STOML2: variants seen among roughly 807,000 people sequenced by gnomAD.
The protein encoded by STOML2 is stomatin like 2, also known as stomatin-like protein 2, mitochondrial.
STOML2 carries 22 observed loss-of-function variants against 45.7 expected under a neutral mutation model. The observed-to-expected ratio is 0.48, with a 90% CI of 0.34 to 0.69. The LOEUF is 0.69. Ranked by LOEUF, STOML2 falls within the 30% of genes least tolerant of loss-of-function variation. The probability of loss-of-function intolerance (pLI) is 0.01; values close to 1 mark genes in which losing one functional copy is unlikely to be tolerated. For synonymous variants in STOML2, 181 were observed against 182.7 expected (o/e 0.99, Z 0.08); for missense variants, 359 against 466.9 (o/e 0.77, Z 2.13).
rs1245944656 is a variant in STOML2 at position 35,103,073 on chromosome 9, C to G, written c.22G>C (p.Gly8Arg). Residue 8 changes from glycine to arginine, a missense_variant, in exon 1 of 10, where the codon GGC becomes CGC. Transcript: ENST00000356493. ...ACCCTCAGCAAAAGGGCCCCAGTGC[C>G]CCGCGCCGCGCGCGCCAGCATTTCC... MLARAAR[G>R]TGALLLRGSL... is the part of the protein sequence containing the mutation. 1 of 1,614,026 alleles carries G rather than the reference C, an allele frequency of 6.2e-7. No individual in the cohort carries two copies. The highest frequency in any genetic ancestry group is 8.5e-7 in the Non-Finnish European group (1 of 1,179,992).
In STOML2 at chr9:35,101,824, C is replaced by G; in HGVS notation, c.343-13G>C. 1 of 1,614,002 alleles carries G rather than the reference C, an allele frequency of 6.2e-7. No individual in the cohort carries two copies. Among genetic ancestry groups the G allele is most frequent in the Non-Finnish European group, 8.5e-7 (1 of 1,180,004 alleles). On this transcript the variant is annotated splice_polypyrimidine_tract_variant and intron_variant, in intron 4 of 9. Transcript: ENST00000356493. The surrounding 1 kb of genome is among the most constrained non-coding windows in gnomAD (Gnocchi z 4.3). ...CACCGTAGCTTGCCTGAGATGGACACGGATAGTGTAAGAAGCTTGGGCACA... is the reference window on the plus strand; with the variant it reads ...CACCGTAGCTTGCCTGAGATGGACAGGGATAGTGTAAGAAGCTTGGGCACA...
rs756945705 is a variant in STOML2, at chr9:35,100,117, G to A, written c.989C>T (p.Ser330Leu). The A allele has an allele frequency of 3.5e-5, 56 of 1,614,054 alleles. No individual in the cohort carries two copies. The highest frequency in any genetic ancestry group is 3.6e-5 in the Non-Finnish European group (43 of 1,180,030). The change falls in exon 10 of 10, where the codon TCA becomes TTA. Residue 330 changes from serine (S) to leucine (L), a missense_variant. By Grantham distance (145) the Ser-to-Leu change is moderately radical. Around this residue, in one of 2 missense-constraint regions of STOML2, gnomAD observed 285 missense variants for 422.0 expected, o/e 0.68. Transcript: ENST00000356493. ...TKAPVPGTPDSLSSGSSRDVQ... is the reference protein window; with the variant it reads ...TKAPVPGTPDLLSSGSSRDVQ... Reference sequence around the variant, plus strand: ...ATCTCTGCTGCTCCCACTGGAGAGTGAGTCTGGAGTCCCTGGCACTGGGGC... The same window carrying A: ...ATCTCTGCTGCTCCCACTGGAGAGTAAGTCTGGAGTCCCTGGCACTGGGGC...
At position 35,103,115 on chromosome 9, in the gene STOML2, T is replaced by C. The variant is rs765338739; in HGVS notation, c.-21A>G. On this transcript the variant is annotated 5_prime_UTR_variant, in exon 1 of 10. Coordinates refer to ENST00000356493, the MANE Select transcript of STOML2 (RefSeq NM_013442.3). ...AGCATTTCCCACCGCCGCAGCGACC[T>C]CCGGAACCAACGAGACGAGCGGAGC... The C allele has an allele frequency of 9.3e-6, 15 of 1,612,024 alleles. No homozygotes were observed. The highest frequency in any genetic ancestry group is 6.7e-5 in the Admixed American group (4 of 59,880).
In STOML2 at chr9:35,102,433, T is replaced by A. The variant is rs900207022; in HGVS notation, c.184-239A>T. 23 of 662,626 alleles carry A rather than the reference T, an allele frequency of 3.5e-5. No individual in the cohort carries two copies. Among genetic ancestry groups the A allele is most frequent in the Admixed American group, 5.9e-5 (2 of 34,014 alleles). 41.0% of individuals were successfully genotyped at this position (662,626 alleles called of 1,614,324 possible). A position where few individuals can be genotyped will look rare whatever the true frequency, so the allele number is the denominator to read the frequency against. On this transcript the variant is annotated intron_variant, in intron 2 of 9. Transcript: ENST00000356493. The surrounding 1 kb of genome is among the most constrained non-coding windows in gnomAD (Gnocchi z 4.8). ...GTCATGAGAATCGGAGCCAGCAGAATAGCCATCTCTATGCAGACTGAGAGG... is the reference window on the plus strand; with the variant it reads ...GTCATGAGAATCGGAGCCAGCAGAAAAGCCATCTCTATGCAGACTGAGAGG...
intron 9 of STOML2, 54 bp from the exon 10 acceptor site, chr9:35,100,226 C>G: frequency 1.3e-6 from 2 of 1,595,766 alleles, no homozygotes. Context: ...AGGTGCAGCC[C>G]AGCCTACCAA....
rs369858322 is a variant in STOML2, at chr9:35,101,021, A to G, written c.725-10T>C. 1.4e-5 allele frequency: 22 copies of G among 1,613,746 alleles called. No homozygotes were observed. In the African/African-American group the frequency reaches 2.5e-4, roughly 19 times the overall value. On this transcript the variant is annotated splice_polypyrimidine_tract_variant and intron_variant, in intron 7 of 9. Transcript: ENST00000356493. This position sits in a 1 kb window ranked among gnomAD's most constrained non-coding sequence, Gnocchi z 4.3. ...ACTGCACTGGCCTCTCCTGCAAGAG[A>G]AGGGACAGAGCTTGCTTGACCCATG...
In STOML2 at chr9:35,101,928, G is replaced by T; in HGVS notation, c.318C>A (p.Tyr106Ter). The change falls in exon 4 of 10, where the codon TAC (tyrosine) becomes TAA (stop). Residue 106 changes from tyrosine to a stop codon, truncating the protein, a stop_gained. Transcript: ENST00000356493. LOFTEE classifies it high-confidence loss of function. This position sits in a 1 kb window ranked among gnomAD's most constrained non-coding sequence, Gnocchi z 4.3. ...NVTLQIDGVL[Y>*]LRIMDPYKAS... ...CCTTGTAAGGGTCCATGATGCGCAGGTAAAGGACTCCATCGATTTGCAGAG... is the reference window on the plus strand; with the variant it reads ...CCTTGTAAGGGTCCATGATGCGCAGTTAAAGGACTCCATCGATTTGCAGAG... 6.2e-7 allele frequency: 1 copy of T among 1,614,132 alleles called. No homozygotes were observed. Among genetic ancestry groups the T allele is most frequent in the Non-Finnish European group, 8.5e-7 (1 of 1,180,046 alleles).
chr9:35,103,001 C>G (rs1829856919), intron 1 of STOML2, 49 bp downstream of exon 1: 2 of 1,608,544 alleles, frequency 1.2e-6, no homozygotes, highest in African/African-American at 1.3e-5. Flanking sequence ...CAGCGGAGAA[C>G]CCAGGTAATC....
chr9:35,103,121 A>G lies in STOML2; in HGVS notation c.-27T>C. On this transcript the variant is annotated 5_prime_UTR_variant, in exon 1 of 10. Transcript: ENST00000356493. The stretch of plus-strand genomic sequence containing the variant: ...TCCCACCGCCGCAGCGACCTCCGGA[A>G]CCAACGAGACGAGCGGAGCGGTCGC... 6.2e-7 allele frequency: 1 copy of G among 1,611,610 alleles called. No individual in the cohort carries two copies. Among genetic ancestry groups the G allele is most frequent in the South Asian group, 1.1e-5 (1 of 91,012 alleles).
In STOML2 at chr9:35,102,791, G is replaced by A; in HGVS notation, c.78C>T (p.Arg26=). 1 of 1,614,036 alleles carries A rather than the reference G, an allele frequency of 6.2e-7. No individual in the cohort carries two copies. The highest frequency in any genetic ancestry group is 2.2e-5 in the East Asian group (1 of 44,870). The part of the protein sequence containing the change: ...GSLLASGRAP[R]RASSGLPRNT... ...TTCGGGGCAATCCAGAGGAGGCGCGGCGCGGAGCGCGGCCAGAAGCCAGTA... is the reference window on the plus strand; with the variant it reads ...TTCGGGGCAATCCAGAGGAGGCGCGACGCGGAGCGCGGCCAGAAGCCAGTA... The change falls in exon 2 of 10, where the codon CGC becomes CGT. Residue 26 remains arginine, a synonymous_variant. Coordinates refer to ENST00000356493, the MANE Select transcript of STOML2 (RefSeq NM_013442.3). This position sits in a 1 kb window ranked among gnomAD's most constrained non-coding sequence, Gnocchi z 4.8.
At chr9:35,100,807 C>T in intron 8 of STOML2, 81 bp from the exon 9 acceptor site, 1 of 1,612,384 alleles carries the variant, frequency 6.2e-7, no homozygotes, top group Non-Finnish European at 8.5e-7. Flanking sequence ...AAGCAGTTCA[C>T]AATAAAAAGG....
At position 35,101,384 on chromosome 9, in the gene STOML2, G is replaced by T. The variant is rs760562869; in HGVS notation, c.579+42C>A. 12 of 1,512,588 alleles carry T rather than the reference G, an allele frequency of 7.9e-6. No homozygotes were observed. Among genetic ancestry groups the T allele is most frequent in the Non-Finnish European group, 1.1e-5 (12 of 1,117,182 alleles). 93.7% of individuals were successfully genotyped at this position (1,512,588 alleles called of 1,614,324 possible). ...GGAAGTCTGGATCCTCCTGGTACTG[G>T]AGCACCCTGAGGCCCTTTTCCCACC... is the stretch of plus-strand genomic sequence containing the variant. On this transcript the variant is annotated intron_variant, in intron 6 of 9. Transcript: ENST00000356493. The surrounding 1 kb of genome is among the most constrained non-coding windows in gnomAD (Gnocchi z 4.3).
rs767196847 is a variant in STOML2 at position 35,100,736 on chromosome 9, CAG to C, written c.805-12_805-11del. ...CTGCTGCATCTCCATTCTGTGATCA[CAG>C]GGGGATAAAAATCAGAGATCACCGA... On this transcript the variant is annotated splice_polypyrimidine_tract_variant and intron_variant, in intron 8 of 9. Transcript: ENST00000356493. 2.0e-4 allele frequency: 318 copies of C among 1,613,716 alleles called. 1 individual carries two copies. In the Middle Eastern group the frequency reaches 2.1e-3, roughly 11 times the overall value.
At chr9:35,100,316 CTG>C (rs1327026396) in intron 9 of STOML2, 144 bp from the exon 10 acceptor site, 10 of 1,143,136 alleles carry the variant, frequency 8.7e-6, no homozygotes, top group African/African-American at 3.1e-5. Flanking sequence ...CTTGTAAGCT[CTG>C]GAGTTGATTT....
Position 35,102,572 on chromosome 9 carries a change from T to G in STOML2, c.183+114A>C. The G allele has an allele frequency of 6.6e-7, 1 of 1,514,512 alleles. No homozygotes were observed. The highest frequency in any genetic ancestry group is 8.9e-7 in the Non-Finnish European group (1 of 1,129,310). The allele number at this position is 1,514,512 out of a possible 1,614,324, so 93.8% of individuals were successfully genotyped here. A position where few individuals can be genotyped will look rare whatever the true frequency, so the allele number is the denominator to read the frequency against. On this transcript the variant is annotated intron_variant, in intron 2 of 9. Coordinates refer to ENST00000356493, the MANE Select transcript of STOML2 (RefSeq NM_013442.3). The surrounding 1 kb of genome is among the most constrained non-coding windows in gnomAD (Gnocchi z 4.8). ...AGCCTGGGCCCTGTCAGGTCTGGCC[T>G]ACAGAGTCGGGAGCTAACAGTGCGG...
Position 35,099,865 on chromosome 9 carries a change from C to A in STOML2, c.*170G>T, listed in dbSNP as rs1351202913. The A allele has an allele frequency of 8.1e-6, 6 of 738,266 alleles. No individual in the cohort carries two copies. Among genetic ancestry groups the A allele is most frequent in the Non-Finnish European group, 1.3e-5 (6 of 461,474 alleles). The allele number at this position is 738,266 out of a possible 1,614,324, so 45.7% of individuals were successfully genotyped here. On this transcript the variant is annotated 3_prime_UTR_variant, in exon 10 of 10. Coordinates refer to ENST00000356493, the MANE Select transcript of STOML2 (RefSeq NM_013442.3). Reference sequence around the variant, plus strand: ...AGGAAAATGCTAGTGACTTTCCCAACTTCATTCCCCAATCAAAGAGGACAG... The same window carrying A: ...AGGAAAATGCTAGTGACTTTCCCAAATTCATTCCCCAATCAAAGAGGACAG...
Position 35,099,951 on chromosome 9 carries a change from C to T in STOML2, c.*84G>A, listed in dbSNP as rs1446812807. The T allele has an allele frequency of 6.5e-7, 1 of 1,535,886 alleles. No individual in the cohort carries two copies. Among genetic ancestry groups the T allele is most frequent in the Non-Finnish European group, 8.8e-7 (1 of 1,135,136 alleles). On this transcript the variant is annotated 3_prime_UTR_variant, in exon 10 of 10. Coordinates refer to ENST00000356493, the MANE Select transcript of STOML2 (RefSeq NM_013442.3). Reference sequence around the variant, plus strand: ...TAAAGTTCAAATAAAAAAATAAAAACCAAAATCTTGGCAGGGAAGCTAGAG... The same window carrying T: ...TAAAGTTCAAATAAAAAAATAAAAATCAAAATCTTGGCAGGGAAGCTAGAG...
At position 35,102,792 on chromosome 9, in the gene STOML2, C is replaced by T; in HGVS notation, c.77G>A (p.Arg26His). The part of the protein sequence containing the change: ...GSLLASGRAP[R>H]RASSGLPRNT... ...TCGGGGCAATCCAGAGGAGGCGCGGCGCGGAGCGCGGCCAGAAGCCAGTAG... is the reference window on the plus strand; with the variant it reads ...TCGGGGCAATCCAGAGGAGGCGCGGTGCGGAGCGCGGCCAGAAGCCAGTAG... Residue 26 changes from arginine (R) to histidine (H), a missense_variant, in exon 2 of 10, where the codon CGC (arginine) becomes CAC (histidine). Coordinates refer to ENST00000356493, the MANE Select transcript of STOML2 (RefSeq NM_013442.3). This position sits in a 1 kb window ranked among gnomAD's most constrained non-coding sequence, Gnocchi z 4.8. 1 of 1,613,984 alleles carries T rather than the reference C, an allele frequency of 6.2e-7. No homozygotes were observed. Among genetic ancestry groups the T allele is most frequent in the Non-Finnish European group, 8.5e-7 (1 of 1,179,938 alleles).
chr9:35,099,941 A>G lies in STOML2; in HGVS notation c.*94T>C. 2.0e-6 allele frequency: 3 copies of G among 1,514,202 alleles called. No homozygotes were observed. The highest frequency in any genetic ancestry group is 2.7e-6 in the Non-Finnish European group (3 of 1,120,100). 93.8% of individuals were successfully genotyped at this position (1,514,202 alleles called of 1,614,324 possible). On this transcript the variant is annotated 3_prime_UTR_variant, in exon 10 of 10. Coordinates refer to ENST00000356493, the MANE Select transcript of STOML2 (RefSeq NM_013442.3). ...ATTACACGACTAAAGTTCAAATAAA[A>G]AAATAAAAACCAAAATCTTGGCAGG... is the stretch of plus-strand genomic sequence containing the variant.
Sources: gnomAD v4.1 joint callset for allele counts on GRCh38, gnomAD v4.1.1 for gene constraint, gnomAD v4.1.1 regional missense constraint, Gnocchi (gnomAD v3.1) non-coding constraint, MANE v1.5 for transcripts, NCBI Gene and HGNC (gene_info 2026-07-23, HGNC 2026-07-21) for gene names.